GLI2: variants seen among roughly 807,000 people sequenced by gnomAD.
The protein encoded by GLI2 is transcription activator GLI2.
A neutral mutation model predicts 78.9 loss-of-function variants in GLI2; 22 were observed. That is an observed-to-expected ratio of 0.28 (90% confidence interval 0.20 to 0.40). GLI2 has a LOEUF of 0.40. Among genes scored for constraint, GLI2 ranks in the 10% least tolerant of loss-of-function variants. The probability of loss-of-function intolerance (pLI) is 1.00; values close to 1 mark genes in which losing one functional copy is unlikely to be tolerated. For synonymous variants in GLI2, 974 were observed against 963.7 expected (o/e 1.01, Z -0.20); for missense variants, 2,097 against 2,213.2 (o/e 0.95, Z 1.05).
Position 120,986,549 on chromosome 2 carries a change from C to T in GLI2, c.2177C>T (p.Ser726Phe), listed in dbSNP as rs1181480957. 4.3e-6 allele frequency: 7 copies of T among 1,614,046 alleles called. No homozygotes were observed. The Admixed American group carries it at 1.2e-4, about 27-fold the overall frequency. The change falls in exon 13 of 14, where the codon TCC (serine) becomes TTC (phenylalanine). Residue 726 changes from serine (S) to phenylalanine (F), a missense_variant. By Grantham distance (155) the Ser-to-Phe change is radical. Transcript: ENST00000361492. ...GAGAAGCTCAAGTCACTCAAGGATT[C>T]CTGCTCATGGGCCGGGCCGACTCCA... ...KKEKLKSLKD[S>F]CSWAGPTPHT...
chr2:120,884,001 T>A (rs932139218), intron 2 of GLI2, among the ~76,000 whole-genome samples: 2 of 152,210 alleles, frequency 1.3e-5, no homozygotes, highest in African/African-American at 4.8e-5. Flanking sequence ...GCCACCCCTG[T>A]GTTCCTGCTC....
chr2:120,889,761 A>G (rs1677591001), intron 2 of GLI2, among the ~76,000 whole-genome samples: 1 of 152,268 alleles, frequency 6.6e-6, no homozygotes, highest in African/African-American at 2.4e-5. Flanking sequence ...GGAAAATGCT[A>G]ATTACAACTG....
At chr2:120,740,425 A>C (rs1431646161) in intron 1 of GLI2, among the ~76,000 whole-genome samples, 1 of 139,954 alleles carries the variant, frequency 7.1e-6, no homozygotes, top group Non-Finnish European at 1.5e-5. Flanking sequence ...GTGCTTGCAC[A>C]TGTGTGTTGT....
At chr2:120,925,794 C>T (rs1227634078) in intron 2 of GLI2, among the ~76,000 whole-genome samples, 2 of 152,106 alleles carry the variant, frequency 1.3e-5, no homozygotes, top group Non-Finnish European at 1.5e-5. Flanking sequence ...TTAAATGGGC[C>T]GGGCGTGGTG....
chr2:120,884,100 A>T (rs1395701830), intron 2 of GLI2, among the ~76,000 whole-genome samples: 1 of 152,216 alleles, frequency 6.6e-6, no homozygotes, highest in Non-Finnish European at 1.5e-5. Context: ...TGCTGGGCTC[A>T]CAACCACAGA....
intron 2 of GLI2, among the ~76,000 whole-genome samples, chr2:120,878,709 C>T (rs948143508): frequency 1.3e-5 from 2 of 152,064 alleles, no homozygotes; most frequent in African/African-American, 2.4e-5. Flanking sequence ...CCAAGGCAGG[C>T]GGATCACAGG....
At chr2:120,770,352 C>T (rs529287072) in intron 1 of GLI2, among the ~76,000 whole-genome samples, 10 of 152,278 alleles carry the variant, frequency 6.6e-5, no homozygotes, top group South Asian at 6.2e-4. Context: ...TCCCCGAGCA[C>T]GGGGCCCAGC....
intron 2 of GLI2, among the ~76,000 whole-genome samples, chr2:120,832,974 G>T (rs1293418841): frequency 5.3e-5 from 8 of 152,094 alleles, no homozygotes; most frequent in African/African-American, 1.9e-4. Flanking sequence ...GGATGTACTA[G>T]GTTGTGCTCA....
Position 120,739,423 on chromosome 2 carries a change from GA to G in GLI2, c.-31+3139del. Among the ~76,000 whole-genome samples, 3 of 152,304 alleles carry G rather than the reference GA, an allele frequency of 2.0e-5. No homozygotes were observed. In the East Asian group the frequency reaches 5.8e-4, roughly 29 times the overall value. ...GCTGGCTTGTTAAAGCCTAGAATCG[GA>G]GTCCTACATCCTTGTGTACTCTTTG... On this transcript the variant is annotated intron_variant, in intron 1 of 13. Transcript: ENST00000361492.
rs151336475 is a variant in GLI2 at position 120,959,005 on chromosome 2, G to A, written c.643+3575G>A. On this transcript the variant is annotated intron_variant, in intron 5 of 13. Coordinates refer to ENST00000361492, the MANE Select transcript of GLI2 (RefSeq NM_001374353.1). Reference sequence around the variant, plus strand: ...AAAAGACCCTGGAATGGAAAGATGCGCTCCAGCTAAGGAAAGAAGCACTCG... The same window carrying A: ...AAAAGACCCTGGAATGGAAAGATGCACTCCAGCTAAGGAAAGAAGCACTCG... 6.1e-4 allele frequency among the ~76,000 whole-genome samples: 93 copies of A among 152,350 alleles called. 3 individuals carry two copies. The highest frequency in any genetic ancestry group is 9.8e-4 in the Admixed American group (15 of 15,300).
chr2:120,778,520 G>A (rs1030686879), intron 1 of GLI2, among the ~76,000 whole-genome samples: 14 of 152,216 alleles, frequency 9.2e-5, no homozygotes, highest in Non-Finnish European at 1.9e-4. Context: ...TGTGAACGGT[G>A]AGGGCAGGTG....
chr2:120,765,855 G>A (rs925443319), intron 1 of GLI2, among the ~76,000 whole-genome samples: 3 of 152,244 alleles, frequency 2.0e-5, no homozygotes, highest in East Asian at 1.9e-4. Flanking sequence ...CTTTTGGCAC[G>A]CGCTAAGGCG....
intron 1 of GLI2, among the ~76,000 whole-genome samples, chr2:120,795,444 A>G (rs537719400): frequency 6.7e-6 from 1 of 148,918 alleles, no homozygotes; most frequent in South Asian, 2.2e-4. Flanking sequence ...AATCTTTTGA[A>G]TCTGGGTGGT....
At chr2:120,821,337 A>G (rs866202139) in intron 2 of GLI2, among the ~76,000 whole-genome samples, 2 of 152,114 alleles carry the variant, frequency 1.3e-5, no homozygotes, top group Non-Finnish European at 2.9e-5. Context: ...AAATGTCCAA[A>G]TTAGGGATGG....
At chr2:120,838,516 A>G (rs1686719458) in intron 2 of GLI2, among the ~76,000 whole-genome samples, 1 of 152,014 alleles carries the variant, frequency 6.6e-6, no homozygotes, top group Admixed American at 6.6e-5. Flanking sequence ...TGCTGTCTAG[A>G]TTAGCACTGT....
chr2:120,773,494 G>T (rs1279489191), intron 1 of GLI2, among the ~76,000 whole-genome samples: 1 of 152,216 alleles, frequency 6.6e-6, no homozygotes, highest in African/African-American at 2.4e-5. Flanking sequence ...TGTTGGCCTT[G>T]TCCCTGCTTT....
chr2:120,743,856 A>T (rs1401725445), intron 1 of GLI2, among the ~76,000 whole-genome samples: 1 of 152,218 alleles, frequency 6.6e-6, no homozygotes, highest in African/African-American at 2.4e-5. Flanking sequence ...GAGTCAAGAC[A>T]GCGGGTAGGG....
At chr2:120,940,649 C>T (rs879260099) in intron 3 of GLI2, among the ~76,000 whole-genome samples, 12 of 152,200 alleles carry the variant, frequency 7.9e-5, no homozygotes, top group Non-Finnish European at 1.5e-4. Context: ...CATGGTGATT[C>T]GGCCAAAGCA....
intron 5 of GLI2, among the ~76,000 whole-genome samples, chr2:120,958,965 G>A (rs1257230251): frequency 6.6e-6 from 1 of 152,246 alleles, no homozygotes; most frequent in East Asian, 1.9e-4. Context: ...GAGTGAATGA[G>A]TGAATGGCAC....
Sources: allele counts gnomAD v4.1 joint callset (sites outside exome capture counted in the v4.1 genomes callset), GRCh38; gene constraint gnomAD v4.1.1; transcripts MANE v1.5; gene names NCBI Gene and HGNC (gene_info 2026-07-23, HGNC 2026-07-21).